Variants in CEP63 observed in about 807,000 individuals in gnomAD.
CEP63 encodes the protein centrosomal protein 63.
Under a neutral mutation model 89.1 loss-of-function variants are expected in CEP63, and 84 were observed. The observed-to-expected ratio is 0.94, with a 90% CI of 0.79 to 1.13. The LOEUF (loss-of-function observed/expected upper bound fraction) is 1.13, where lower values mean the gene tolerates loss of function less well. Ranked by LOEUF, CEP63 falls within the 50% of genes most tolerant of loss-of-function variation. CEP63 has a pLI of 0.00. For missense variants in CEP63, 838 were observed against 813.3 expected, an observed-to-expected ratio of 1.03 and a Z score of -0.37; for synonymous variants, 267 against 272.5, an observed-to-expected ratio of 0.98 and a Z score of 0.20.
chr3:134,657,796 T>TA, the CEP63 span, among the ~76,000 whole-genome samples: 1 of 152,246 alleles, frequency 6.6e-6, no homozygotes, highest in East Asian at 1.9e-4. Context: ...ATTAGCTGTG[T>TA]ATGTCAACCT....
chr3:134,629,761 C>T, the CEP63 span: 10 of 912,342 alleles, frequency 1.1e-5, no homozygotes, highest in Middle Eastern at 2.1e-4. Flanking sequence ...TGCCTCATGA[C>T]TGATGATTGA....
chr3:134,588,468 C>T (rs1327218725), downstream of CEP63, among the ~76,000 whole-genome samples: 1 of 152,036 alleles, frequency 6.6e-6, no homozygotes, highest in African/African-American at 2.4e-5. Context: ...TTAGGCAATA[C>T]ACTTGTAAAT....
At chr3:134,678,355 T>A in the CEP63 span, among the ~76,000 whole-genome samples, 1 of 152,198 alleles carries the variant, frequency 6.6e-6, no homozygotes, top group South Asian at 2.1e-4. Flanking sequence ...CCAGGTCATG[T>A]GCTCTTCCTC....
intron 10 of CEP63, among the ~76,000 whole-genome samples, chr3:134,582,125 A>AG (rs111880506): frequency 1.9e-4 from 16 of 86,040 alleles, no homozygotes; most frequent in African/African-American, 5.1e-4. Context: ...ATATAGCCTC[A>AG]GGGAAAAAAA....
In CEP63 at chr3:134,574,545, A is replaced by T. The variant is rs531590594; in HGVS notation, c.1330-248A>T. On this transcript the variant is annotated intron_variant, in intron 11 of 11. Transcript: ENST00000354446. The stretch of plus-strand genomic sequence containing the variant: ...ATAATTCTTCAAATTAGCATTTCTC[A>T]TTATTTTTTAACACTGGATCTAAAA... 3.2e-4 allele frequency among the ~76,000 whole-genome samples: 48 copies of T among 152,296 alleles called. 1 individual carries two copies. The South Asian group carries it at 5.0e-3, about 16-fold the overall frequency.
chr3:134,565,889 A>G (rs1019264054), downstream of CEP63, among the ~76,000 whole-genome samples: 10 of 152,152 alleles, frequency 6.6e-5, no homozygotes, highest in Admixed American at 5.9e-4. Flanking sequence ...CATTTTCATA[A>G]CTGGTAATAA....
the CEP63 span, among the ~76,000 whole-genome samples, chr3:134,759,419 G>T: frequency 6.6e-6 from 1 of 152,188 alleles, no homozygotes; most frequent in Non-Finnish European, 1.5e-5. Context: ...AACAGAAACC[G>T]TGCTCTTGTC....
At chr3:134,636,103 T>A in the CEP63 span, among the ~76,000 whole-genome samples, 1 of 152,240 alleles carries the variant, frequency 6.6e-6, no homozygotes, top group South Asian at 2.1e-4. Context: ...TACATCTTTG[T>A]ATGTATGTAA....
At chr3:134,676,818 C>T in the CEP63 span, among the ~76,000 whole-genome samples, 5 of 152,284 alleles carry the variant, frequency 3.3e-5, no homozygotes, top group African/African-American at 4.8e-5. Flanking sequence ...GATTTTCTAT[C>T]GCTTACCCCC....
chr3:134,681,413 A>T, the CEP63 span, among the ~76,000 whole-genome samples: 1 of 152,190 alleles, frequency 6.6e-6, no homozygotes, highest in African/African-American at 2.4e-5. Flanking sequence ...ATGGTGCTCC[A>T]GGAGGCCCAT....
Position 134,562,064 on chromosome 3 carries a change from G to T in CEP63, c.*529G>T. On this transcript the variant is annotated 3_prime_UTR_variant, in exon 15 of 15. Transcript: ENST00000675561. ...GTAAAGTCAGGCTGGTAGTGAATAA[G>T]GGGGGGGTGTGCTAAAGAACCTTAT... 1 of 991,328 alleles carries T rather than the reference G, an allele frequency of 1.0e-6. No individual in the cohort carries two copies. Among genetic ancestry groups the T allele is most frequent in the Non-Finnish European group, 1.2e-6 (1 of 833,294 alleles). 61.4% of individuals were successfully genotyped at this position (991,328 alleles called of 1,614,324 possible).
the CEP63 span, among the ~76,000 whole-genome samples, chr3:134,742,420 G>A: frequency 1.0e-3 from 153 of 152,264 alleles, no homozygotes; most frequent in African/African-American, 3.6e-3. Context: ...AGTAAGAGGT[G>A]GGTGGGGCCG....
chr3:134,723,174 C>T, the CEP63 span, among the ~76,000 whole-genome samples: 18 of 152,116 alleles, frequency 1.2e-4, no homozygotes, highest in Non-Finnish European at 1.2e-4. Context: ...AATTTTTCAC[C>T]CCTCCCTGTG....
chr3:134,679,298 T>C, the CEP63 span, among the ~76,000 whole-genome samples: 1 of 152,216 alleles, frequency 6.6e-6, no homozygotes, highest in Non-Finnish European at 1.5e-5. Flanking sequence ...AGTAACTTGC[T>C]CAAGGCCCCA....
At chr3:134,527,900 A>G (rs1292832022) in intron 3 of CEP63, among the ~76,000 whole-genome samples, 1 of 151,970 alleles carries the variant, frequency 6.6e-6, no homozygotes, top group Non-Finnish European at 1.5e-5. Flanking sequence ...CTTAGAGCTA[A>G]AGTCTCCTAT....
intron 6 of CEP63, among the ~76,000 whole-genome samples, chr3:134,545,305 A>G (rs1446011693): frequency 1.3e-5 from 2 of 151,532 alleles, no homozygotes; most frequent in Non-Finnish European, 2.9e-5. Flanking sequence ...CAATTTTTGT[A>G]TTTTTTATAA....
At chr3:134,530,927 C>G (rs7371896) in intron 3 of CEP63, among the ~76,000 whole-genome samples, 98,838 of 152,062 alleles carry the variant, frequency 0.65, 32,626 homozygotes, top group East Asian at 0.81. Context: ...TCCCTACTTA[C>G]CAGTAGATGA....
chr3:134,751,802 G>A, the CEP63 span, among the ~76,000 whole-genome samples: 1 of 152,102 alleles, frequency 6.6e-6, no homozygotes, highest in African/African-American at 2.4e-5. Context: ...ACTGTTCTAA[G>A]CACTTTCCAT....
the CEP63 span, among the ~76,000 whole-genome samples, chr3:134,728,111 T>C: frequency 6.6e-6 from 1 of 152,128 alleles, no homozygotes; most frequent in South Asian, 2.1e-4. Flanking sequence ...TTTGAAAACA[T>C]GTTTAACCTC....
Sources: allele counts gnomAD v4.1 joint callset (sites outside exome capture counted in the v4.1 genomes callset), GRCh38; gene constraint gnomAD v4.1.1; transcripts MANE v1.5; gene names NCBI Gene and HGNC (gene_info 2026-07-23, HGNC 2026-07-21).